Variants in BANK1 observed in about 807,000 individuals in gnomAD.
BANK1 encodes the protein B-cell scaffold protein with ankyrin repeats.
BANK1 carries 95 observed loss-of-function variants against 94.5 expected under a neutral mutation model. The ratio of observed to expected loss-of-function variants is 1.00; its 90% confidence interval spans 0.85 to 1.19. BANK1 has a LOEUF of 1.19. Ranked by LOEUF, BANK1 falls within the 50% of genes most tolerant of loss-of-function variation. The pLI, the probability that BANK1 is intolerant of heterozygous loss-of-function variation, is 0.00. For synonymous variants in BANK1, 334 were observed against 308.4 expected (o/e 1.08, Z -0.87); for missense variants, 987 against 932.2 (o/e 1.06, Z -0.77).
At chr4:101,988,999 T>G (rs917893374) in intron 7 of BANK1, among the ~76,000 whole-genome samples, 1 of 152,198 alleles carries the variant, frequency 6.6e-6, no homozygotes, top group Non-Finnish European at 1.5e-5. Context: ...TATATAACAT[T>G]CCTTATATAA....
intron 7 of BANK1, among the ~76,000 whole-genome samples, chr4:101,995,530 C>T (rs902518099): frequency 6.6e-6 from 1 of 150,444 alleles, no homozygotes; most frequent in Non-Finnish European, 1.5e-5. Context: ...CACTGACTTC[C>T]ACAATGGTTG....
intron 1 of BANK1, among the ~76,000 whole-genome samples, chr4:101,797,449 C>G (rs781773890): frequency 6.6e-6 from 1 of 152,094 alleles, no homozygotes; most frequent in Non-Finnish European, 1.5e-5. Flanking sequence ...GTTAGAAGAT[C>G]ACATGAGCTG....
intron 5 of BANK1, among the ~76,000 whole-genome samples, chr4:101,876,306 G>A (rs1275584849): frequency 3.9e-5 from 6 of 152,140 alleles, no homozygotes; most frequent in Non-Finnish European, 7.3e-5. Flanking sequence ...GAAAAGTGAG[G>A]GAAAAGTAAA....
intron 7 of BANK1, among the ~76,000 whole-genome samples, chr4:101,954,523 T>C (rs1724275204): frequency 6.6e-6 from 1 of 152,134 alleles, no homozygotes; most frequent in South Asian, 2.1e-4. Flanking sequence ...CAGAACTCTC[T>C]TTTGTTAAGC....
chr4:102,053,952 A>C (rs949645529), intron 11 of BANK1, among the ~76,000 whole-genome samples: 3 of 151,918 alleles, frequency 2.0e-5, no homozygotes, highest in Admixed American at 1.3e-4. Flanking sequence ...ATATATATGT[A>C]TATATGTATA....
Position 101,932,830 on chromosome 4 carries a change from T to A in BANK1, c.1206+14641T>A, listed in dbSNP as rs566298349. The stretch of plus-strand genomic sequence containing the variant: ...CACAGATAGATTAAAAACAAAACAA[T>A]AGATTTTGTGCATGGGTAAAAATTA... On this transcript the variant is annotated intron_variant, in intron 7 of 16. Transcript: ENST00000322953. Among the ~76,000 whole-genome samples, 7 of 151,624 alleles carry A rather than the reference T, an allele frequency of 4.6e-5. No individual in the cohort carries two copies. The East Asian group carries it at 1.2e-3, about 25-fold the overall frequency.
intron 7 of BANK1, among the ~76,000 whole-genome samples, chr4:102,005,238 C>T (rs145028651): frequency 1.2e-3 from 175 of 152,172 alleles, no homozygotes; most frequent in Admixed American, 2.8e-3. Flanking sequence ...AGAATTTCAA[C>T]ATGACAATAA....
rs182123043 is a variant in BANK1 at position 101,800,239 on chromosome 4, C to A, written c.70+9289C>A. On this transcript the variant is annotated intron_variant, in intron 1 of 16. Coordinates refer to ENST00000322953, the MANE Select transcript of BANK1 (RefSeq NM_017935.5). ...GGCACATGTATACATATGTAACAAA[C>A]CTGCATGTTGTGCACATGTACCCTA... Among the ~76,000 whole-genome samples, 776 of 151,754 alleles carry A rather than the reference C, an allele frequency of 5.1e-3. 12 individuals carry two copies. In the East Asian group the frequency reaches 0.059, roughly 11 times the overall value.
At chr4:102,073,944 T>G (rs1728839557) in intron 16 of BANK1, 61 bp from the exon 17 acceptor site, 1 of 421,936 alleles carries the variant, frequency 2.4e-6, no homozygotes, top group African/African-American at 2.1e-5. Context: ...TAATGCCAAT[T>G]AATCAATTTA....
intron 5 of BANK1, among the ~76,000 whole-genome samples, chr4:101,874,322 C>T (rs1728407515): frequency 6.6e-6 from 1 of 152,084 alleles, no homozygotes; most frequent in South Asian, 2.1e-4. Context: ...GTTAATAGTT[C>T]CCTGAAAGGT....
intron 6 of BANK1, among the ~76,000 whole-genome samples, chr4:101,899,998 C>A (rs963735924): frequency 6.6e-6 from 1 of 152,158 alleles, no homozygotes; most frequent in Admixed American, 6.5e-5. Context: ...TTTATAATCC[C>A]CTCTCAGCCC....
At chr4:102,022,470 A>C (rs933448876) in intron 8 of BANK1, among the ~76,000 whole-genome samples, 2 of 152,084 alleles carry the variant, frequency 1.3e-5, no homozygotes, top group African/African-American at 4.8e-5. Context: ...AGTCCACACC[A>C]TCATCAGTTC....
At chr4:102,000,878 G>A (rs1726045003) in intron 7 of BANK1, among the ~76,000 whole-genome samples, 1 of 152,158 alleles carries the variant, frequency 6.6e-6, no homozygotes. Context: ...ATCCCCTGAT[G>A]GTGTTGCTTA....
Position 101,896,318 on chromosome 4 carries a change from G to A in BANK1, c.1009+908G>A, listed in dbSNP as rs533340198. 1.4e-4 allele frequency among the ~76,000 whole-genome samples: 21 copies of A among 152,072 alleles called. No individual in the cohort carries two copies. In the South Asian group the frequency reaches 4.4e-3, roughly 32 times the overall value. ...ACAGACATGAAGCTAAAGAATGTAA[G>A]AAGTCTAATGTTGACATATTAAAAA... On this transcript the variant is annotated intron_variant, in intron 6 of 16. Transcript: ENST00000322953.
intron 7 of BANK1, among the ~76,000 whole-genome samples, chr4:101,959,144 G>GTTTTTT (rs11419464): frequency 6.7e-6 from 1 of 148,714 alleles, no homozygotes; most frequent in Non-Finnish European, 1.5e-5. Flanking sequence ...GTTTGTTTTT[G>GTTTTTT]TTTTTTTTTT....
chr4:101,930,401 A>C (rs1157769466), intron 7 of BANK1, among the ~76,000 whole-genome samples: 8 of 151,466 alleles, frequency 5.3e-5, no homozygotes, highest in Admixed American at 5.3e-4. Context: ...AGTTACAGTA[A>C]CATAAGACAG....
chr4:101,809,547 A>C (rs1725672415), intron 1 of BANK1, among the ~76,000 whole-genome samples: 1 of 152,154 alleles, frequency 6.6e-6, no homozygotes, highest in Non-Finnish European at 1.5e-5. Context: ...ATAAAATGCC[A>C]GTAATAAAGA....
chr4:101,950,454 A>G (rs1290041801), intron 7 of BANK1, among the ~76,000 whole-genome samples: 1 of 152,174 alleles, frequency 6.6e-6, no homozygotes, highest in Admixed American at 6.5e-5. Context: ...AATGGAAATT[A>G]TCCAGTGAGT....
At chr4:101,959,086 C>A (rs73834514) in intron 7 of BANK1, among the ~76,000 whole-genome samples, 135 of 152,064 alleles carry the variant, frequency 8.9e-4, no homozygotes, top group African/African-American at 3.1e-3. Context: ...AAGATGTTTA[C>A]TTTCAGTACT....
Sources: gnomAD v4.1 joint callset for allele counts (sites outside exome capture counted in the v4.1 genomes callset) on GRCh38, gnomAD v4.1.1 for gene constraint, MANE v1.5 for transcripts, NCBI Gene and HGNC (gene_info 2026-07-23, HGNC 2026-07-21) for gene names.